ANKRD30B: variants seen among roughly 807,000 people sequenced by gnomAD.
ANKRD30B encodes the protein ankyrin repeat domain-containing protein 30B.
Under a neutral mutation model 202.2 loss-of-function variants are expected in ANKRD30B, and 144 were observed. The observed-to-expected ratio is 0.71, with a 90% confidence interval of 0.62 to 0.82. The LOEUF (loss-of-function observed/expected upper bound fraction) is 0.82, where lower values mean the gene tolerates loss of function less well. ANKRD30B is among the 40% of genes least tolerant of loss of function. ANKRD30B has a pLI of 0.00. For synonymous variants in ANKRD30B, 508 were observed against 561.3 expected, an observed-to-expected ratio of 0.91 and a Z score of 1.34; for missense variants, 1,487 against 1,669.1, an observed-to-expected ratio of 0.89 and a Z score of 1.90.
chr18:14,940,652 A>T, the ANKRD30B span, among the ~76,000 whole-genome samples: 1 of 152,228 alleles, frequency 6.6e-6, no homozygotes, highest in Non-Finnish European at 1.5e-5. Flanking sequence ...ATGATAAAGA[A>T]GGAAAGTCCC....
chr18:14,898,593 T>A, the ANKRD30B span, among the ~76,000 whole-genome samples: 7 of 152,118 alleles, frequency 4.6e-5, no homozygotes, highest in Non-Finnish European at 8.8e-5. Context: ...AGCTATCTAG[T>A]TTTTTCAACA....
chr18:14,820,876 A>T (rs1336678698), intron 30 of ANKRD30B, among the ~76,000 whole-genome samples: 1 of 152,218 alleles, frequency 6.6e-6, no homozygotes, highest in Non-Finnish European at 1.5e-5. Flanking sequence ...TGCTGGCCTC[A>T]TAAAATGAGT....
chr18:14,878,937 G>A, the ANKRD30B span, among the ~76,000 whole-genome samples: 20 of 152,144 alleles, frequency 1.3e-4, no homozygotes, highest in African/African-American at 3.1e-4. Context: ...TTGCGAGGGC[G>A]GAGCTGAGTT....
the ANKRD30B span, among the ~76,000 whole-genome samples, chr18:14,896,693 G>C: frequency 1.4e-5 from 2 of 143,746 alleles, no homozygotes; most frequent in Admixed American, 1.4e-4. Flanking sequence ...GGACAGTAAG[G>C]AGGAGTAAGG....
intron 6 of ANKRD30B, 118 bp from the exon 7 acceptor site, chr18:14,763,568 A>C: frequency 7.1e-7 from 1 of 1,414,956 alleles, no homozygotes; most frequent in Non-Finnish European, 9.5e-7. Context: ...GAAGAGAGAA[A>C]AGAAAAGTTT....
At chr18:14,867,768 C>A in the ANKRD30B span, among the ~76,000 whole-genome samples, 7 of 152,184 alleles carry the variant, frequency 4.6e-5, no homozygotes, top group Non-Finnish European at 1.0e-4. Flanking sequence ...GTCAGGAGGC[C>A]AGCTTGGTCT....
At chr18:14,775,984 G>C (rs1264712730) in intron 9 of ANKRD30B, among the ~76,000 whole-genome samples, 1 of 152,172 alleles carries the variant, frequency 6.6e-6, no homozygotes, top group Non-Finnish European at 1.5e-5. Context: ...TTTTTAAACT[G>C]GAAAGTCTGT....
chr18:14,842,191 A>G (rs545050381), intron 37 of ANKRD30B, among the ~76,000 whole-genome samples: 1 of 152,226 alleles, frequency 6.6e-6, no homozygotes, highest in Non-Finnish European at 1.5e-5. Context: ...AAACATATCA[A>G]TATTGAAAGC....
the ANKRD30B span, among the ~76,000 whole-genome samples, chr18:14,921,938 C>G: frequency 1.3e-5 from 2 of 152,120 alleles, no homozygotes; most frequent in Admixed American, 6.5e-5. Context: ...CTGCCAGACA[C>G]CAAATTTAAC....
intron 30 of ANKRD30B, among the ~76,000 whole-genome samples, chr18:14,820,443 T>C (rs1018925234): frequency 6.6e-6 from 1 of 152,150 alleles, no homozygotes; most frequent in African/African-American, 2.4e-5. Context: ...ATTGTGCCAG[T>C]TTTCAAAGGG....
At chr18:14,765,045 G>A (rs1427413400) in intron 7 of ANKRD30B, among the ~76,000 whole-genome samples, 2 of 152,184 alleles carry the variant, frequency 1.3e-5, no homozygotes, top group African/African-American at 4.8e-5. Flanking sequence ...AATGTTTTCT[G>A]CAGGGATTCA....
chr18:14,756,521 A>G (rs965853430), intron 4 of ANKRD30B, among the ~76,000 whole-genome samples: 87 of 152,094 alleles, frequency 5.7e-4, no homozygotes, highest in Non-Finnish European at 1.2e-3. Flanking sequence ...TTTCTTCTAG[A>G]GTTTTTATGG....
At chr18:14,909,957 C>A in the ANKRD30B span, 1 of 151,832 alleles carries the variant, frequency 6.6e-6, no homozygotes, top group Non-Finnish European at 1.5e-5. Flanking sequence ...GAAGATGCGC[C>A]CCTGCCATGG....
the ANKRD30B span, among the ~76,000 whole-genome samples, chr18:14,911,670 A>T: frequency 6.6e-6 from 1 of 152,148 alleles, no homozygotes; most frequent in African/African-American, 2.4e-5. Flanking sequence ...AAATGATGTT[A>T]GTAATTTAAT....
intron 18 of ANKRD30B, among the ~76,000 whole-genome samples, 188 bp from the exon 19 acceptor site, chr18:14,797,473 A>G (rs11872331): frequency 0.03 from 4,642 of 152,242 alleles, 268 homozygotes; most frequent in African/African-American, 0.11. Context: ...TTCCATAGCA[A>G]TAGTTTCAGG....
intron 37 of ANKRD30B, among the ~76,000 whole-genome samples, chr18:14,841,856 C>T (rs1971432444): frequency 6.6e-6 from 1 of 152,102 alleles, no homozygotes; most frequent in Non-Finnish European, 1.5e-5. Context: ...TGGAGTAAAC[C>T]ATGGTGACTC....
chr18:14,929,955 C>CA, the ANKRD30B span, among the ~76,000 whole-genome samples: 15 of 152,138 alleles, frequency 9.9e-5, no homozygotes, highest in Non-Finnish European at 1.3e-4. Flanking sequence ...CCAGCAAAAG[C>CA]AGACTTCAGG....
At chr18:14,775,177 ATACT>A (rs1967281200) in intron 9 of ANKRD30B, among the ~76,000 whole-genome samples, 1 of 152,262 alleles carries the variant, frequency 6.6e-6, no homozygotes, top group South Asian at 2.1e-4. Flanking sequence ...TTATCAGAAC[ATACT>A]TTATAATCAT....
At chr18:14,842,250 T>G (rs916425182) in intron 37 of ANKRD30B, among the ~76,000 whole-genome samples, 10 of 152,220 alleles carry the variant, frequency 6.6e-5, no homozygotes, top group African/African-American at 2.4e-4. Context: ...TTTGCATGAG[T>G]GAATCAAGAA....
Sources: gnomAD v4.1 joint callset for allele counts (sites outside exome capture counted in the v4.1 genomes callset) on GRCh38, gnomAD v4.1.1 for gene constraint, MANE v1.5 for transcripts, NCBI Gene and HGNC (gene_info 2026-07-23, HGNC 2026-07-21) for gene names.